Variants in MAST2 observed in about 807,000 individuals in gnomAD.
MAST2 encodes microtubule-associated serine/threonine-protein kinase 2.
A neutral mutation model predicts 147.4 loss-of-function variants in MAST2; 70 were observed. That is an observed-to-expected ratio of 0.47 (90% confidence interval 0.39 to 0.58). The LOEUF is 0.58. Among genes scored for constraint, MAST2 ranks in the 20% least tolerant of loss-of-function variants. MAST2 has a pLI of 0.00. For synonymous variants in MAST2, 869 were observed against 896.8 expected (o/e 0.97, Z 0.55); for missense variants, 2,080 against 2,302.3 (o/e 0.90, Z 1.98).
intron 4 of MAST2, among the ~76,000 whole-genome samples, chr1:45,913,305 T>A (rs1021342636): frequency 6.6e-6 from 1 of 152,228 alleles, no homozygotes; most frequent in Non-Finnish European, 1.5e-5. Context: ...CGCTCATTAT[T>A]TTACCAGTTT....
At chr1:45,827,154 A>G (rs1429534138) in intron 2 of MAST2, among the ~76,000 whole-genome samples, 1 of 152,092 alleles carries the variant, frequency 6.6e-6, no homozygotes, top group African/African-American at 2.4e-5. Context: ...TCTCATTTTT[A>G]TGGTGTTTCC....
chr1:46,015,584 A>G (rs1231170818), intron 10 of MAST2, among the ~76,000 whole-genome samples: 1 of 152,216 alleles, frequency 6.6e-6, no homozygotes, highest in Admixed American at 6.5e-5. Context: ...GAAGAAATGG[A>G]TAAATTCCTC....
Position 46,002,902 on chromosome 1 carries a change from G to A in MAST2, c.747+19G>A. The A allele has an allele frequency of 6.2e-7, 1 of 1,611,176 alleles. No homozygotes were observed. Among genetic ancestry groups the A allele is most frequent in the South Asian group, 1.1e-5 (1 of 91,008 alleles). ...TGTCTCAGTAAGTAGCCAAATCTGT[G>A]GCCATACTTCCTTCACCCTAAGGAA... On this transcript the variant is annotated intron_variant, in intron 7 of 28. Transcript: ENST00000361297.
At chr1:45,882,839 G>A (rs533542464) in intron 4 of MAST2, among the ~76,000 whole-genome samples, 1 of 152,220 alleles carries the variant, frequency 6.6e-6, no homozygotes, top group Non-Finnish European at 1.5e-5. Context: ...AGACTATGTT[G>A]AATGGAATAG....
intron 3 of MAST2, among the ~76,000 whole-genome samples, chr1:45,830,818 T>C (rs12748390): frequency 6.6e-6 from 1 of 150,432 alleles, no homozygotes; most frequent in Non-Finnish European, 1.5e-5. Context: ...AGCCCAGGAG[T>C]TCAAGACTAG....
intron 4 of MAST2, among the ~76,000 whole-genome samples, chr1:45,948,702 ATC>A (rs768094980): frequency 2.1e-3 from 136 of 64,730 alleles, no homozygotes; most frequent in East Asian, 7.9e-3. Context: ...GTGAGACTCC[ATC>A]TCAAAAAAAA....
At chr1:45,965,790 C>G (rs1287765909) in intron 5 of MAST2, among the ~76,000 whole-genome samples, 1 of 151,776 alleles carries the variant, frequency 6.6e-6, no homozygotes, top group Non-Finnish European at 1.5e-5. Context: ...CTGAGATAAA[C>G]CATATACCCC....
chr1:45,837,852 C>G (rs563069843), intron 3 of MAST2, among the ~76,000 whole-genome samples: 1 of 152,274 alleles, frequency 6.6e-6, no homozygotes, highest in African/African-American at 2.4e-5. Flanking sequence ...AATCTCGGCT[C>G]ATTGCAACTT....
intron 4 of MAST2, among the ~76,000 whole-genome samples, chr1:45,951,100 GTT>G (rs1658865473): frequency 6.6e-6 from 1 of 151,518 alleles, no homozygotes; most frequent in African/African-American, 2.4e-5. Flanking sequence ...GTGCATGCTT[GTT>G]TTCTCAGCTA....
Position 46,032,098 on chromosome 1 carries a change from T to C in MAST2, c.3188-80T>C, listed in dbSNP as rs941901288. On this transcript the variant is annotated intron_variant, in intron 24 of 28. Transcript: ENST00000361297. Reference sequence around the variant, plus strand: ...GCTCAGGCTCTGTCTGTGACTAGAGTTGTGCTGACATCAACAGACTGGACC... The same window carrying C: ...GCTCAGGCTCTGTCTGTGACTAGAGCTGTGCTGACATCAACAGACTGGACC... 3 of 1,066,878 alleles carry C rather than the reference T, an allele frequency of 2.8e-6. No individual in the cohort carries two copies. In the African/African-American group the frequency reaches 4.7e-5, roughly 17 times the overall value. 66.1% of individuals were successfully genotyped at this position (1,066,878 alleles called of 1,614,324 possible).
Position 45,838,210 on chromosome 1 carries a change from A to G in MAST2, c.468+8629A>G, listed in dbSNP as rs1293185148. Among the ~76,000 whole-genome samples the G allele has an allele frequency of 3.1e-5, 4 of 128,076 alleles. 1 individual carries two copies. In the South Asian group the frequency reaches 7.3e-4, roughly 23 times the overall value. 84.0% of individuals were successfully genotyped at this position (128,076 alleles called of 152,430 possible). A position where few individuals can be genotyped will look rare whatever the true frequency, so the allele number is the denominator to read the frequency against. On this transcript the variant is annotated intron_variant, in intron 3 of 28. Transcript: ENST00000361297. ...TTATGTGCTTATTTGCCAATTATAT[A>G]TATTCTTTTTTTTTTTTTTTTTTTT...
chr1:45,989,473 G>A (rs1010684189), intron 5 of MAST2, among the ~76,000 whole-genome samples: 7 of 152,050 alleles, frequency 4.6e-5, no homozygotes, highest in African/African-American at 1.7e-4. Flanking sequence ...CTTCAGTGAT[G>A]TTGTTTCATA....
intron 5 of MAST2, among the ~76,000 whole-genome samples, chr1:45,993,741 G>T (rs528121614): frequency 6.6e-6 from 1 of 151,776 alleles, no homozygotes; most frequent in African/African-American, 2.4e-5. Flanking sequence ...TCCCAAATTA[G>T]GCCAAACTTT....
At chr1:45,938,687 T>A (rs1205585145) in intron 4 of MAST2, among the ~76,000 whole-genome samples, 3 of 152,214 alleles carry the variant, frequency 2.0e-5, no homozygotes, top group Non-Finnish European at 4.4e-5. Context: ...TCATTTCACA[T>A]TCACAGAGTT....
chr1:45,811,716 C>T (rs1482938549), intron 1 of MAST2, among the ~76,000 whole-genome samples: 1 of 149,484 alleles, frequency 6.7e-6, no homozygotes, highest in East Asian at 2.0e-4. Flanking sequence ...TCACTGCAAG[C>T]TCTGCCTCCC....
intron 5 of MAST2, among the ~76,000 whole-genome samples, chr1:45,986,993 C>T (rs572702073): frequency 6.6e-6 from 1 of 152,126 alleles, no homozygotes; most frequent in East Asian, 1.9e-4. Context: ...CCAGTGAAGC[C>T]TCTGAACCTA....
chr1:45,839,519 T>C (rs1645210293), intron 3 of MAST2, among the ~76,000 whole-genome samples: 1 of 152,112 alleles, frequency 6.6e-6, no homozygotes, highest in Non-Finnish European at 1.5e-5. Flanking sequence ...GCAATCCTCC[T>C]GCCCTGGCCT....
rs1021612269 is a variant in MAST2 at position 46,035,194 on chromosome 1, G to A, written c.4525G>A (p.Glu1509Lys). 8.7e-6 allele frequency: 14 copies of A among 1,613,894 alleles called. No homozygotes were observed. The African/African-American group carries it at 1.3e-4, about 15-fold the overall frequency. The part of the protein sequence containing the change: ...REVDSSEDDT[E>K]EGPENSQGAQ... ...GGTGGACTCCTCAGAGGACGACACCGAGGAAGGGCCTGAGAACAGCCAGGG... is the reference window on the plus strand; with the variant it reads ...GGTGGACTCCTCAGAGGACGACACCAAGGAAGGGCCTGAGAACAGCCAGGG... Residue 1509 changes from glutamate (E) to lysine (K), a missense_variant, in exon 29 of 29, where the codon GAG becomes AAG. Glu to Lys is a moderately conservative substitution (Grantham distance 56). Coordinates refer to ENST00000361297, the MANE Select transcript of MAST2 (RefSeq NM_015112.3). The surrounding 1 kb of genome is among the most constrained non-coding windows in gnomAD (Gnocchi z 5.5).
intron 4 of MAST2, among the ~76,000 whole-genome samples, chr1:45,929,522 T>C (rs993264857): frequency 4.6e-5 from 7 of 152,220 alleles, no homozygotes; most frequent in African/African-American, 1.4e-4. Flanking sequence ...ATGCTTGTTA[T>C]GTAGACTCTG....
Sources: gnomAD v4.1 joint callset for allele counts (sites outside exome capture counted in the v4.1 genomes callset) on GRCh38, gnomAD v4.1.1 for gene constraint, Gnocchi (gnomAD v3.1) non-coding constraint, MANE v1.5 for transcripts, NCBI Gene and HGNC (gene_info 2026-07-23, HGNC 2026-07-21) for gene names.